The following URB1 variants were observed in gnomAD, a reference collection of about 807,000 sequenced individuals.
URB1 encodes the protein nucleolar pre-ribosomal-associated protein 1.
In URB1, 197 loss-of-function variants were observed where a neutral mutation model predicts 242.3. The ratio of observed to expected loss-of-function variants is 0.81; its 90% CI spans 0.72 to 0.91. URB1 has a LOEUF of 0.91. URB1 is among the 40% of genes least tolerant of loss of function. The pLI is 0.00. For synonymous variants in URB1, 1,153 were observed against 1,201.8 expected (o/e 0.96, Z 0.84); for missense variants, 2,721 against 2,860.5 (o/e 0.95, Z 1.11).
intron 11 of URB1, 135 bp from the exon 12 acceptor site, chr21:32,362,156 G>A: frequency 8.5e-7 from 1 of 1,182,938 alleles, no homozygotes; most frequent in Non-Finnish European, 1.2e-6. Context: ...GAAGGAGAGG[G>A]AAGAGTGGTG....
At chr21:32,369,358 C>T (rs1251164828) in intron 8 of URB1, among the ~76,000 whole-genome samples, 1 of 151,892 alleles carries the variant, frequency 6.6e-6, no homozygotes, top group African/African-American at 2.4e-5. Context: ...AGTAAGACTC[C>T]ATCTGAAAAA....
chr21:32,318,946 T>C (rs1347085911), intron 36 of URB1, among the ~76,000 whole-genome samples: 3 of 152,092 alleles, frequency 2.0e-5, no homozygotes, highest in African/African-American at 7.2e-5. Context: ...CCTCGTACGA[T>C]GCACATTAGG....
In URB1 at chr21:32,352,736, T is replaced by C. The variant is rs932363958; in HGVS notation, c.2587A>G (p.Ile863Val). The change falls in exon 19 of 39, where the codon ATC (isoleucine) becomes GTC (valine). Residue 863 changes from isoleucine to valine, a missense_variant. Transcript: ENST00000382751. ...SRFNRYYSLWIPEQAREAWLL... is the reference protein window; with the variant it reads ...SRFNRYYSLWVPEQAREAWLL... ...CAGGCCTCTCGGGCTTGCTCCGGGA[T>C]CCAGAGGCTGTAGTATCTGTTAAAC... is the stretch of plus-strand genomic sequence containing the variant. 6.4e-7 allele frequency: 1 copy of C among 1,551,518 alleles called. No homozygotes were observed. The highest frequency in any genetic ancestry group is 8.7e-7 in the Non-Finnish European group (1 of 1,146,954).
Position 32,385,114 on chromosome 21 carries a change from T to C in URB1, c.282+431A>G, listed in dbSNP as rs1431453126. Among the ~76,000 whole-genome samples, 5 of 152,012 alleles carry C rather than the reference T, an allele frequency of 3.3e-5. No individual in the cohort carries two copies. In the East Asian group the frequency reaches 9.6e-4, roughly 29 times the overall value. On this transcript the variant is annotated intron_variant, in intron 2 of 38. Coordinates refer to ENST00000382751, the MANE Select transcript of URB1 (RefSeq NM_014825.3). ...ACTGGGTCTCATTCCTTTAGAGATA[T>C]TCAGATCTACATCCTTATAGCAATA...
chr21:32,356,459 A>G (rs1013857176), intron 15 of URB1, among the ~76,000 whole-genome samples: 20 of 152,198 alleles, frequency 1.3e-4, no homozygotes, highest in African/African-American at 4.8e-4. Flanking sequence ...CATTTCCTAA[A>G]TAAAAAGAAG....
In URB1 at chr21:32,392,885, G is replaced by A. The variant is rs1220029913; in HGVS notation, c.26C>T (p.Ser9Leu). The change falls in exon 1 of 39, where the codon TCG (serine) becomes TTG (leucine). Residue 9 changes from serine (S) to leucine (L), a missense_variant. Ser to Leu is a moderately radical substitution (Grantham distance 145, BLOSUM62 -2). Transcript: ENST00000382751. MGVPKRKASGGQDGAASSA... is the reference protein window; with the variant it reads MGVPKRKALGGQDGAASSA... ...GGAAGCCGCGCCGTCCTGGCCGCCC[G>A]AGGCCTTCCTCTTGGGGACCCCCAT... 5.2e-6 allele frequency: 8 copies of A among 1,529,238 alleles called. No individual in the cohort carries two copies. Among genetic ancestry groups the A allele is most frequent in the East Asian group, 2.5e-5 (1 of 40,594 alleles). 94.7% of individuals were successfully genotyped at this position (1,529,238 alleles called of 1,614,324 possible).
Position 32,317,870 on chromosome 21 carries a change from T to C in URB1, c.5840A>G (p.Asp1947Gly). 1.3e-6 allele frequency: 2 copies of C among 1,551,418 alleles called. No individual in the cohort carries two copies. Among genetic ancestry groups the C allele is most frequent in the African/African-American group, 1.4e-5 (1 of 73,024 alleles). The part of the protein sequence containing the change: ...VQLTNFFGTL[D>G]SVLRYRATVI... ...AGTGGCCCGGTACCTCAGCACGGAG[T>C]CAAGTGTCCCGAAGAAGTTGGTCAG... Residue 1947 changes from aspartate to glycine, a missense_variant, in exon 37 of 39, where the codon GAC becomes GGC. Coordinates refer to ENST00000382751, the MANE Select transcript of URB1 (RefSeq NM_014825.3).
At chr21:32,325,828 C>T (rs910294992) in intron 30 of URB1, among the ~76,000 whole-genome samples, 1 of 152,228 alleles carries the variant, frequency 6.6e-6, no homozygotes, top group African/African-American at 2.4e-5. Flanking sequence ...GGAAAGCACA[C>T]ACAGCAGTGA....
At chr21:32,382,371 T>A (rs185501319) in intron 4 of URB1, among the ~76,000 whole-genome samples, 6 of 152,328 alleles carry the variant, frequency 3.9e-5, no homozygotes, top group Non-Finnish European at 8.8e-5. Context: ...AAGCATAGTA[T>A]CTAAGAGACA....
chr21:32,347,514 G>A lies in URB1; in HGVS notation c.3310C>T (p.Gln1104Ter). Residue 1104 changes from glutamine (Q) to a stop codon, truncating the protein, a stop_gained, in exon 22 of 39, where the codon CAG becomes TAG. Transcript: ENST00000382751. LOFTEE classifies it high-confidence loss of function. ...TGCAGCTCCTGCAGGGCCTCCAGCT[G>A]CGGCGGGGTCTTTGGTGGTGATGTG... ...PATSPPKTPPQLEALQELHPY... is the reference protein window; with the variant it reads ...PATSPPKTPP 3 of 1,551,404 alleles carry A rather than the reference G, an allele frequency of 1.9e-6. No individual in the cohort carries two copies. Among genetic ancestry groups the A allele is most frequent in the Non-Finnish European group, 2.6e-6 (3 of 1,146,842 alleles).
At chr21:32,377,470 T>C (rs1001008951) in intron 5 of URB1, 5 of 341,520 alleles carry the variant, frequency 1.5e-5, no homozygotes, top group African/African-American at 6.8e-5. Context: ...CCACGGGAAT[T>C]TGAAGAAACT....
intron 10 of URB1, among the ~76,000 whole-genome samples, chr21:32,363,927 A>AT (rs1173538987): frequency 6.6e-6 from 1 of 151,348 alleles, no homozygotes; most frequent in East Asian, 1.9e-4. Flanking sequence ...AAGCACTGGG[A>AT]TTATGAGTGT....
At chr21:32,348,514 G>C (rs964628837) in intron 21 of URB1, among the ~76,000 whole-genome samples, 9 of 152,164 alleles carry the variant, frequency 5.9e-5, no homozygotes, top group Non-Finnish European at 1.0e-4. Context: ...CTGGATTAGA[G>C]AATAATTTCA....
intron 31 of URB1, among the ~76,000 whole-genome samples, 168 bp from the exon 32 acceptor site, chr21:32,324,770 C>T (rs1400011884): frequency 6.6e-6 from 1 of 152,306 alleles, no homozygotes; most frequent in Non-Finnish European, 1.5e-5. Flanking sequence ...TTGCCAGCAT[C>T]TCCGGAACGC....
At chr21:32,325,717 A>C (rs2032822254) in intron 30 of URB1, among the ~76,000 whole-genome samples, 1 of 152,250 alleles carries the variant, frequency 6.6e-6, no homozygotes. Flanking sequence ...AGCATGCCAG[A>C]GGCCTGGGGA....
chr21:32,377,261 T>C (rs772366642), intron 5 of URB1: 1 of 518,304 alleles, frequency 1.9e-6, no homozygotes, highest in Non-Finnish European at 3.8e-6. Flanking sequence ...TACAGTTTGC[T>C]CTGGCATGGG....
At chr21:32,347,911 G>A (rs1011677920) in intron 21 of URB1, 100 bp from the exon 22 acceptor site, 71 of 1,430,566 alleles carry the variant, frequency 5.0e-5, no homozygotes, top group Non-Finnish European at 6.1e-5. Flanking sequence ...GCGAGACAGA[G>A]AGCAGAAGGC....
intron 10 of URB1, 89 bp downstream of exon 10, chr21:32,366,529 T>TTGGATA: frequency 6.6e-7 from 1 of 1,513,256 alleles, no homozygotes; most frequent in Non-Finnish European, 8.9e-7. Flanking sequence ...ATCAAACACA[T>TTGGATA]CCAGGCCAGT....
chr21:32,336,945 G>A (rs915149868), intron 28 of URB1, 149 bp downstream of exon 28: 6 of 782,912 alleles, frequency 7.7e-6, no homozygotes, highest in Non-Finnish European at 1.3e-5. Flanking sequence ...ACCCTATGCA[G>A]AAGCCAGTGT....
Sources: allele counts gnomAD v4.1 joint callset (sites outside exome capture counted in the v4.1 genomes callset), GRCh38; gene constraint gnomAD v4.1.1; transcripts MANE v1.5; gene names NCBI Gene and HGNC (gene_info 2026-07-23, HGNC 2026-07-21).